Variants in PHF20 observed in about 807,000 individuals in gnomAD.
PHF20 encodes PHD finger protein 20, also known as glioma-expressed antigen 2.
PHF20 carries 23 observed loss-of-function variants against 113.5 expected under a neutral mutation model. That is an observed-to-expected ratio of 0.20 (90% CI 0.15 to 0.29). The LOEUF (loss-of-function observed/expected upper bound fraction) is 0.29. Ranked by LOEUF, PHF20 falls within the 10% of genes least tolerant of loss-of-function variation. The probability of loss-of-function intolerance (pLI) is 1.00; values close to 1 mark genes in which losing one functional copy is unlikely to be tolerated. For missense variants in PHF20, 943 were observed against 1,219.6 expected (o/e 0.77, Z 3.38); for synonymous variants, 434 against 457.3 (o/e 0.95, Z 0.65).
At chr20:35,824,062 A>T (rs1470100942) in intron 2 of PHF20, among the ~76,000 whole-genome samples, 1 of 152,206 alleles carries the variant, frequency 6.6e-6, no homozygotes, top group East Asian at 1.9e-4. Flanking sequence ...AATATAAGTT[A>T]TCATTTCTCT....
At chr20:35,870,340 G>A (rs2054398315) in intron 7 of PHF20, among the ~76,000 whole-genome samples, 2 of 150,980 alleles carry the variant, frequency 1.3e-5, no homozygotes, top group Non-Finnish European at 3.0e-5. Context: ...AATTAGCCGG[G>A]TGTGGTGGCG....
intron 17 of PHF20, 92 bp downstream of exon 17, chr20:35,941,139 G>GC: frequency 2.0e-6 from 2 of 991,076 alleles, no homozygotes; most frequent in Non-Finnish European, 3.0e-6. Flanking sequence ...TGAGTTTACA[G>GC]GGACCGCTGT....
At chr20:35,864,299 G>A (rs146636983) in intron 6 of PHF20, among the ~76,000 whole-genome samples, 187 of 152,098 alleles carry the variant, frequency 1.2e-3, no homozygotes, top group African/African-American at 1.5e-3. Context: ...GGCTGAGTGC[G>A]TTGGTGCATG....
At chr20:35,824,238 T>C (rs1413909496) in intron 2 of PHF20, among the ~76,000 whole-genome samples, 1 of 152,160 alleles carries the variant, frequency 6.6e-6, no homozygotes, top group East Asian at 1.9e-4. Flanking sequence ...CAGCACTTGG[T>C]GGGATTCTTT....
chr20:35,871,873 T>C (rs1476713942), intron 9 of PHF20, 44 bp downstream of exon 9: 2 of 1,433,224 alleles, frequency 1.4e-6, no homozygotes, highest in Non-Finnish European at 9.4e-7. Context: ...ATATACACTT[T>C]TGCTTATGCT....
At chr20:35,867,479 T>C (rs1337361250) in intron 6 of PHF20, among the ~76,000 whole-genome samples, 1 of 152,184 alleles carries the variant, frequency 6.6e-6, no homozygotes, top group Non-Finnish European at 1.5e-5. Context: ...TATGCTAGTC[T>C]TGAACTCCTG....
chr20:35,814,173 G>C (rs1389362997), intron 2 of PHF20, among the ~76,000 whole-genome samples: 1 of 151,984 alleles, frequency 6.6e-6, no homozygotes, highest in Admixed American at 6.6e-5. Flanking sequence ...ATGGGGGTAA[G>C]AAATCTATTT....
intron 5 of PHF20, among the ~76,000 whole-genome samples, chr20:35,860,557 TG>T (rs1297219644): frequency 6.6e-6 from 1 of 152,162 alleles, no homozygotes; most frequent in Non-Finnish European, 1.5e-5. Flanking sequence ...CAAAGGATTT[TG>T]ATACATGATA....
chr20:35,889,390 C>G, intron 9 of PHF20, among the ~76,000 whole-genome samples: 1 of 151,862 alleles, frequency 6.6e-6, no homozygotes, highest in East Asian at 1.9e-4. Context: ...GAGACAGAGT[C>G]TCACTCTGTC....
intron 1 of PHF20, among the ~76,000 whole-genome samples, chr20:35,799,921 T>G (rs2041746322): frequency 6.6e-6 from 1 of 152,152 alleles, no homozygotes; most frequent in African/African-American, 2.4e-5. Context: ...TGCCTCGGCT[T>G]CCCAAAGTGT....
chr20:35,882,814 G>A (rs2054658575), intron 9 of PHF20, among the ~76,000 whole-genome samples: 1 of 152,118 alleles, frequency 6.6e-6, no homozygotes, highest in Admixed American at 6.6e-5. Flanking sequence ...ATCACCTGAG[G>A]TCAGGAGTTG....
intron 2 of PHF20, among the ~76,000 whole-genome samples, chr20:35,824,379 T>C (rs1600787628): frequency 6.6e-6 from 1 of 151,894 alleles, no homozygotes; most frequent in Non-Finnish European, 1.5e-5. Flanking sequence ...GAGGCTGAGG[T>C]GGGCGGATCA....
chr20:35,852,684 C>G (rs1295441651), intron 4 of PHF20, among the ~76,000 whole-genome samples: 1 of 151,500 alleles, frequency 6.6e-6, no homozygotes, highest in Non-Finnish European at 1.5e-5. Flanking sequence ...CTGCAACCTC[C>G]GCCTCCTGGG....
chr20:35,803,028 C>T (rs1238172535), intron 2 of PHF20, among the ~76,000 whole-genome samples: 3 of 149,224 alleles, frequency 2.0e-5, no homozygotes, highest in East Asian at 2.0e-4. Context: ...CTGAGGTGGG[C>T]GGATCACGAG....
intron 15 of PHF20, among the ~76,000 whole-genome samples, chr20:35,933,056 G>A (rs1029730422): frequency 6.7e-6 from 1 of 150,140 alleles, no homozygotes; most frequent in Non-Finnish European, 1.5e-5. Flanking sequence ...GTAATAACTT[G>A]TTTTATGTGT....
chr20:35,935,009 G>A (rs1011872700), intron 15 of PHF20, among the ~76,000 whole-genome samples: 1 of 152,016 alleles, frequency 6.6e-6, no homozygotes, highest in African/African-American at 2.4e-5. Context: ...TGTAAACTTA[G>A]CTATATTTCT....
chr20:35,791,944 GTA>G (rs2041564658), intron 1 of PHF20, among the ~76,000 whole-genome samples: 1 of 152,146 alleles, frequency 6.6e-6, no homozygotes, highest in Admixed American at 6.6e-5. Context: ...GTGAAATTGA[GTA>G]ATATGCGAAA....
intron 1 of PHF20, among the ~76,000 whole-genome samples, chr20:35,781,380 C>T (rs1164604462): frequency 2.0e-5 from 3 of 150,144 alleles, no homozygotes; most frequent in African/African-American, 7.4e-5. Flanking sequence ...CTCAGCCTCC[C>T]AAAGTGCTGG....
chr20:35,792,825 A>G lies in PHF20; in HGVS notation c.-32-8666A>G, dbSNP rs138741290. ...GAGTTTGCTATGCTAAGCACTTGAC[A>G]TCCATTAGCTCACTTATTCTTCACA... On this transcript the variant is annotated intron_variant, in intron 1 of 17. Transcript: ENST00000374012. Among the ~76,000 whole-genome samples the G allele has an allele frequency of 2.1e-4, 32 of 152,254 alleles. No individual in the cohort carries two copies. The East Asian group carries it at 4.4e-3, about 21-fold the overall frequency.
Sources: gnomAD v4.1 joint callset for allele counts (sites outside exome capture counted in the v4.1 genomes callset) on GRCh38, gnomAD v4.1.1 for gene constraint, MANE v1.5 for transcripts, NCBI Gene and HGNC (gene_info 2026-07-23, HGNC 2026-07-21) for gene names.